Variants in CFAP54 observed in about 807,000 individuals in gnomAD.
CFAP54 encodes the protein cilia and flagella associated protein 54, also known as cilia- and flagella-associated protein 54.
CFAP54 carries 290 observed loss-of-function variants against 370.4 expected under a neutral mutation model. The observed-to-expected ratio is 0.78, with a 90% CI of 0.71 to 0.86. The LOEUF (loss-of-function observed/expected upper bound fraction) is 0.86. Among genes scored for constraint, CFAP54 ranks in the 40% least tolerant of loss-of-function variants. The probability of loss-of-function intolerance (pLI) is 0.00; values close to 1 mark genes in which losing one functional copy is unlikely to be tolerated. For missense variants in CFAP54, 3,399 were observed against 3,528.7 expected, an observed-to-expected ratio of 0.96 and a Z score of 0.93; for synonymous variants, 1,206 against 1,236.5, an observed-to-expected ratio of 0.98 and a Z score of 0.52.
At chr12:96,654,774 C>T (rs1250023214) in intron 36 of CFAP54, among the ~76,000 whole-genome samples, 1 of 151,318 alleles carries the variant, frequency 6.6e-6, no homozygotes, top group Non-Finnish European at 1.5e-5. Flanking sequence ...TTTTTAGCTG[C>T]CACATGTAAG....
chr12:96,494,952 C>G (rs1267062568), intron 1 of CFAP54, among the ~76,000 whole-genome samples: 1 of 152,070 alleles, frequency 6.6e-6, no homozygotes, highest in Non-Finnish European at 1.5e-5. Context: ...GTCTCGATAT[C>G]TTGACCTCGT....
intron 60 of CFAP54, among the ~76,000 whole-genome samples, chr12:96,770,978 G>A (rs956955605): frequency 2.0e-5 from 3 of 152,230 alleles, no homozygotes; most frequent in African/African-American, 7.2e-5. Flanking sequence ...TGACATGAGT[G>A]ATGCCTCTGC....
At chr12:96,751,786 A>G (rs1958185357) in intron 55 of CFAP54, among the ~76,000 whole-genome samples, 1 of 151,988 alleles carries the variant, frequency 6.6e-6, no homozygotes, top group Admixed American at 6.6e-5. Flanking sequence ...CCTTGTTTTC[A>G]TTTCCTCTCC....
intron 66 of CFAP54, among the ~76,000 whole-genome samples, chr12:96,848,318 G>A (rs938919328): frequency 3.9e-5 from 6 of 151,948 alleles, no homozygotes; most frequent in East Asian, 1.9e-4. Context: ...CAAATGATCC[G>A]CCTGCCTCAG....
intron 64 of CFAP54, among the ~76,000 whole-genome samples, chr12:96,813,236 C>T (rs1488599579): frequency 6.6e-6 from 1 of 152,134 alleles, no homozygotes; most frequent in Non-Finnish European, 1.5e-5. Flanking sequence ...AAATTAGTGA[C>T]AAGCCCCAGC....
At chr12:96,716,387 T>C (rs1294471750) in intron 48 of CFAP54, among the ~76,000 whole-genome samples, 4 of 152,252 alleles carry the variant, frequency 2.6e-5, no homozygotes, top group Admixed American at 2.0e-4. Flanking sequence ...ATCTGCATTT[T>C]GACAAAGCAT....
intron 39 of CFAP54, among the ~76,000 whole-genome samples, chr12:96,676,581 C>T (rs75093082): frequency 0.11 from 17,304 of 151,988 alleles, 1,290 homozygotes; most frequent in Middle Eastern, 0.22. Context: ...AGTTTCATTC[C>T]GTCGCTCAGG....
At chr12:96,551,750 C>T (rs537278456) in intron 15 of CFAP54, among the ~76,000 whole-genome samples, 38 of 152,204 alleles carry the variant, frequency 2.5e-4, no homozygotes, top group Non-Finnish European at 4.0e-4. Context: ...TAGGAATATA[C>T]AAGAACCTCT....
chr12:96,532,654 T>G (rs1199593106), intron 9 of CFAP54, among the ~76,000 whole-genome samples: 1 of 152,054 alleles, frequency 6.6e-6, no homozygotes, highest in African/African-American at 2.4e-5. Flanking sequence ...AGGATCTCAC[T>G]CTGTCACCCA....
rs1377683224 is a variant in CFAP54 at position 96,538,093 on chromosome 12, A to G, written c.1792-291A>G. On this transcript the variant is annotated intron_variant, in intron 12 of 67. Coordinates refer to ENST00000524981, the MANE Select transcript of CFAP54 (RefSeq NM_001306084.2). ...GAGTGACAGAGTGAGGCCCTGTTTC[A>G]AAAAAAAAAGGAGTGAGGACTCTGG... Among the ~76,000 whole-genome samples, 3 of 53,154 alleles carry G rather than the reference A, an allele frequency of 5.6e-5. No individual in the cohort carries two copies. In the East Asian group the frequency reaches 1.0e-3, roughly 18 times the overall value. 34.9% of individuals were successfully genotyped at this position (53,154 alleles called of 152,430 possible). A position where few individuals can be genotyped will look rare whatever the true frequency, so the allele number is the denominator to read the frequency against.
At chr12:96,797,772 T>C (rs1169252130) in intron 63 of CFAP54, among the ~76,000 whole-genome samples, 5 of 152,046 alleles carry the variant, frequency 3.3e-5, no homozygotes, top group African/African-American at 1.2e-4. Context: ...TTGCTTCTTA[T>C]AAAAGGTATG....
intron 65 of CFAP54, among the ~76,000 whole-genome samples, chr12:96,821,086 CT>C (rs1959027191): frequency 6.6e-6 from 1 of 152,114 alleles, no homozygotes; most frequent in South Asian, 2.1e-4. Flanking sequence ...CGTCTCTTAG[CT>C]TTTCCTGGAG....
chr12:96,723,933 G>GT (rs1699113648), intron 50 of CFAP54, among the ~76,000 whole-genome samples: 1 of 148,952 alleles, frequency 6.7e-6, no homozygotes, highest in African/African-American at 2.5e-5. Flanking sequence ...GCGGTGTTTG[G>GT]TTTTTTGTCC....
intron 39 of CFAP54, among the ~76,000 whole-genome samples, chr12:96,674,788 T>A (rs1592702378): frequency 1.3e-5 from 2 of 152,222 alleles, no homozygotes; most frequent in African/African-American, 4.8e-5. Context: ...TTTGTTCACT[T>A]GTGTCTCCCT....
Position 96,504,028 on chromosome 12 carries a change from C to A in CFAP54, c.566C>A (p.Thr189Lys). The change falls in exon 3 of 68, where the codon ACA (threonine) becomes AAA (lysine). Residue 189 changes from threonine to lysine, a missense_variant and splice_region_variant. By Grantham distance (78) the Thr-to-Lys change is moderately conservative (BLOSUM62 -1). Around this residue, in one of 3 missense-constraint regions of CFAP54, gnomAD observed 559 missense variants for 576.7 expected, o/e 0.97. Coordinates refer to ENST00000524981, the MANE Select transcript of CFAP54 (RefSeq NM_001306084.2). ...KGFKDKTAGL[T>K]FHALSGKNMC... The stretch of plus-strand genomic sequence containing the variant: ...TTTAAAGATAAAACTGCTGGACTTA[C>A]AGTAAGATGAAAGAGCAGCTGAAAT... The A allele has an allele frequency of 6.7e-7, 1 of 1,503,628 alleles. No homozygotes were observed. The highest frequency in any genetic ancestry group is 8.8e-7 in the Non-Finnish European group (1 of 1,136,338). The allele number at this position is 1,503,628 out of a possible 1,614,324, so 93.1% of individuals were successfully genotyped here. A position where few individuals can be genotyped will look rare whatever the true frequency, so the allele number is the denominator to read the frequency against.
intron 58 of CFAP54, among the ~76,000 whole-genome samples, chr12:96,760,090 A>T (rs776889280): frequency 5.9e-5 from 9 of 152,212 alleles, no homozygotes; most frequent in Non-Finnish European, 1.3e-4. Context: ...TTGCAATGTG[A>T]CAAGGACTAT....
At chr12:96,650,183 G>A (rs11108616) in intron 35 of CFAP54, 111 bp downstream of exon 35, 230,486 of 962,286 alleles carry the variant, frequency 0.24, 29,859 homozygotes, top group South Asian at 0.32. Flanking sequence ...TTTTAGTTGT[G>A]ACTTTGAGAT....
chr12:96,521,656 C>T, intron 6 of CFAP54, among the ~76,000 whole-genome samples: 1 of 151,940 alleles, frequency 6.6e-6, no homozygotes, highest in Admixed American at 6.6e-5. Context: ...TTTCATAATT[C>T]CTAAAGTCAC....
rs972684987 is a variant in CFAP54, at chr12:96,860,961, A to G, written c.*14+9A>G. On this transcript the variant is annotated intron_variant, in intron 67 of 67. Coordinates refer to ENST00000524981, the MANE Select transcript of CFAP54 (RefSeq NM_001306084.2). ...TGAATATCCTATACACGGTAACCTT[A>G]TACAGGATTTAATTGTTGTTGTTTC... 24 of 1,496,216 alleles carry G rather than the reference A, an allele frequency of 1.6e-5. No individual in the cohort carries two copies. Among genetic ancestry groups the G allele is most frequent in the Non-Finnish European group, 5.3e-6 (6 of 1,130,702 alleles). The allele number at this position is 1,496,216 out of a possible 1,614,324, so 92.7% of individuals were successfully genotyped here. A position where few individuals can be genotyped will look rare whatever the true frequency, so the allele number is the denominator to read the frequency against.
Sources: gnomAD v4.1 joint callset for allele counts (sites outside exome capture counted in the v4.1 genomes callset) on GRCh38, gnomAD v4.1.1 for gene constraint, gnomAD v4.1.1 regional missense constraint, MANE v1.5 for transcripts, NCBI Gene and HGNC (gene_info 2026-07-23, HGNC 2026-07-21) for gene names.